Variants in KDM4B observed in about 807,000 individuals in gnomAD.
KDM4B encodes the protein lysine-specific demethylase 4B.
In KDM4B, 32 loss-of-function variants were observed where a neutral mutation model predicts 125.2. The observed-to-expected ratio is 0.26, with a 90% CI of 0.19 to 0.34. The LOEUF (loss-of-function observed/expected upper bound fraction) is 0.34. KDM4B is among the 10% of genes least tolerant of loss of function. The probability of loss-of-function intolerance (pLI) is 1.00; values close to 1 mark genes in which losing one functional copy is unlikely to be tolerated. For missense variants in KDM4B, 1,190 were observed against 1,577.7 expected (o/e 0.75, Z 4.16); for synonymous variants, 721 against 677.9 (o/e 1.06, Z -0.99).
chr19:5,125,172 G>A (rs1032148781), intron 11 of KDM4B, among the ~76,000 whole-genome samples: 3 of 152,218 alleles, frequency 2.0e-5, no homozygotes, highest in Non-Finnish European at 1.5e-5. Context: ...ACAGGTATGA[G>A]CCACTGTGCC....
At chr19:5,096,606 C>T (rs563732822) in intron 9 of KDM4B, among the ~76,000 whole-genome samples, 1 of 150,326 alleles carries the variant, frequency 6.7e-6, no homozygotes, top group African/African-American at 2.5e-5. Context: ...CGCCTGTTGC[C>T]GCGGTGCCCC....
At chr19:5,051,673 G>A (rs1055072242) in intron 6 of KDM4B, among the ~76,000 whole-genome samples, 1 of 152,236 alleles carries the variant, frequency 6.6e-6, no homozygotes, top group Non-Finnish European at 1.5e-5. Context: ...TTAGGGAAGG[G>A]GGTGTCCCCC....
At chr19:5,063,141 C>T (rs1013521340) in intron 6 of KDM4B, among the ~76,000 whole-genome samples, 1 of 151,874 alleles carries the variant, frequency 6.6e-6, no homozygotes, top group Non-Finnish European at 1.5e-5. Flanking sequence ...GTCCTGGTTG[C>T]CTGAGAATTT....
chr19:5,042,685 G>T (rs1037147030), intron 5 of KDM4B, among the ~76,000 whole-genome samples: 6 of 151,612 alleles, frequency 4.0e-5, no homozygotes, highest in Non-Finnish European at 7.4e-5. Flanking sequence ...AGAGTGAGGG[G>T]GGGGGCGCCG....
rs1410910579 is a variant in KDM4B at position 5,081,726 on chromosome 19, T to A, written c.781-641T>A. Among the ~76,000 whole-genome samples the A allele has an allele frequency of 6.6e-6, 1 of 152,066 alleles. No individual in the cohort carries two copies. Among genetic ancestry groups the A allele is most frequent in the African/African-American group, 2.4e-5 (1 of 41,416 alleles). Reference sequence around the variant, plus strand: ...CTGGATCTCCATGACTTCATGGAGATCCCCTTGTTGAGATACAATTGAAAG... The same window carrying A: ...CTGGATCTCCATGACTTCATGGAGAACCCCTTGTTGAGATACAATTGAAAG... On this transcript the variant is annotated intron_variant, in intron 8 of 22. Transcript: ENST00000159111. The surrounding 1 kb of genome is among the most constrained non-coding windows in gnomAD (Gnocchi z 4.2).
rs752407605 is a variant in KDM4B at position 5,144,367 on chromosome 19, C to T, written c.2856C>T (p.Phe952=). 1.3e-5 allele frequency: 17 copies of T among 1,315,250 alleles called. No homozygotes were observed. The highest frequency in any genetic ancestry group is 1.3e-4 in the Admixed American group (5 of 39,524). 81.5% of individuals were successfully genotyped at this position (1,315,250 alleles called of 1,614,324 possible). The part of the protein sequence containing the change: ...AASQTCYEVN[F]DDGSYSDNLY... Reference sequence around the variant, plus strand: ...CGCAGACCTGCTACGAAGTGAACTTCGACGATGGCTCCTACAGCGACAACC... The same window carrying T: ...CGCAGACCTGCTACGAAGTGAACTTTGACGATGGCTCCTACAGCGACAACC... Residue 952 remains phenylalanine (F), a synonymous_variant, in exon 20 of 23, where the codon TTC becomes TTT. Coordinates refer to ENST00000159111, the MANE Select transcript of KDM4B (RefSeq NM_015015.3).
chr19:4,992,444 C>G (rs962893272), intron 1 of KDM4B, among the ~76,000 whole-genome samples: 1 of 151,980 alleles, frequency 6.6e-6, no homozygotes, highest in Non-Finnish European at 1.5e-5. Context: ...TTAGCTGCAA[C>G]CTGTACTTTT....
At chr19:5,063,185 T>C (rs1000701834) in intron 6 of KDM4B, among the ~76,000 whole-genome samples, 1 of 152,092 alleles carries the variant, frequency 6.6e-6, no homozygotes, top group Non-Finnish European at 1.5e-5. Context: ...TTGATAGATA[T>C]TAATTTTTGG....
rs761141584 is a variant in KDM4B, at chr19:5,131,925, G to A, written c.1824G>A (p.Lys608=). Residue 608 remains lysine, a synonymous_variant, in exon 13 of 23, where the codon AAG becomes AAA. Coordinates refer to ENST00000159111, the MANE Select transcript of KDM4B (RefSeq NM_015015.3). ...TTTCCAAATTGAAGATGGAGATCAA[G>A]AAGAGCCGGCGCCATCCCCTGGGCC... is the stretch of plus-strand genomic sequence containing the variant. ...STFSKLKMEI[K]KSRRHPLGRP... 29 of 1,612,646 alleles carry A rather than the reference G, an allele frequency of 1.8e-5. No homozygotes were observed. The highest frequency in any genetic ancestry group is 2.5e-5 in the Non-Finnish European group (29 of 1,179,898).
At chr19:5,028,266 T>G (rs2036344012) in intron 2 of KDM4B, among the ~76,000 whole-genome samples, 1 of 152,198 alleles carries the variant, frequency 6.6e-6, no homozygotes, top group Non-Finnish European at 1.5e-5. Flanking sequence ...TGCGAGCCAC[T>G]GCACTGGCCA....
intron 13 of KDM4B, 87 bp from the exon 14 acceptor site, chr19:5,133,796 G>T: frequency 2.8e-6 from 4 of 1,419,062 alleles, no homozygotes; most frequent in Non-Finnish European, 3.9e-6. Flanking sequence ...TAGACCCGGG[G>T]CCATCCCCTG....
chr19:5,142,360 C>T lies in KDM4B; in HGVS notation c.2551-1607C>T, dbSNP rs193106886. On this transcript the variant is annotated intron_variant, in intron 18 of 22. Transcript: ENST00000159111. The surrounding 1 kb of genome is among the most constrained non-coding windows in gnomAD (Gnocchi z 5.4). The stretch of plus-strand genomic sequence containing the variant: ...CCTGCCCGACCTCCTGTGGCCACAG[C>T]GCGTGGCGTGACTGGACCTCGCCTT... 9.2e-5 allele frequency among the ~76,000 whole-genome samples: 14 copies of T among 152,260 alleles called. No homozygotes were observed. The East Asian group carries it at 1.5e-3, about 17-fold the overall frequency.
At chr19:5,129,955 G>A (rs1490378080) in intron 11 of KDM4B, among the ~76,000 whole-genome samples, 1 of 152,238 alleles carries the variant, frequency 6.6e-6, no homozygotes, top group African/African-American at 2.4e-5. Flanking sequence ...CCCACAGCCC[G>A]ACACAGAGCG....
intron 10 of KDM4B, among the ~76,000 whole-genome samples, chr19:5,117,375 G>A (rs1401185067): frequency 2.0e-5 from 3 of 152,066 alleles, no homozygotes; most frequent in Non-Finnish European, 4.4e-5. Flanking sequence ...TGGAGCTGGG[G>A]GCAGCTGAGG....
intron 5 of KDM4B, among the ~76,000 whole-genome samples, chr19:5,042,581 C>T (rs2036853958): frequency 6.6e-6 from 1 of 151,508 alleles, no homozygotes; most frequent in Non-Finnish European, 1.5e-5. Context: ...CACGTTTTTG[C>T]AGGCTCTGCA....
intron 2 of KDM4B, among the ~76,000 whole-genome samples, chr19:5,032,227 CCATT>C (rs2036481249): frequency 2.0e-5 from 3 of 152,218 alleles, no homozygotes; most frequent in Admixed American, 2.0e-4. Flanking sequence ...GTGCAATCCC[CCATT>C]CTGTACAGGG....
At chr19:5,050,610 C>T (rs1284451686) in intron 6 of KDM4B, among the ~76,000 whole-genome samples, 1 of 152,240 alleles carries the variant, frequency 6.6e-6, no homozygotes, top group Non-Finnish European at 1.5e-5. Flanking sequence ...TAGATCAAGA[C>T]TCTCCTGGGG....
At chr19:5,056,837 GCCCTGGGGTGGGGA>G (rs1297770060) in intron 6 of KDM4B, among the ~76,000 whole-genome samples, 3 of 140,476 alleles carry the variant, frequency 2.1e-5, no homozygotes, top group African/African-American at 7.8e-5. Flanking sequence ...GGTGTCTAGA[GCCCTGGGGTGGGGA>G]CCCTGGGGCG....
rs1568249766 is a variant in KDM4B at position 5,041,212 on chromosome 19, GATCTAC to G, written c.394_399del (p.Ile132_Tyr133del). The G allele has an allele frequency of 6.2e-7, 1 of 1,613,224 alleles. No homozygotes were observed. The highest frequency in any genetic ancestry group is 1.3e-5 in the African/African-American group (1 of 75,022). The stretch of plus-strand genomic sequence containing the variant: ...GGAAGAACCTCACCTTTGTCTCCCC[GATCTAC>G]GGGGCTGACATCAGCGGCTCTTTGT... On this transcript the variant is annotated inframe_deletion, in exon 5 of 23. Coordinates refer to ENST00000159111, the MANE Select transcript of KDM4B (RefSeq NM_015015.3).
Sources: allele counts gnomAD v4.1 joint callset (sites outside exome capture counted in the v4.1 genomes callset), GRCh38; gene constraint gnomAD v4.1.1; non-coding constraint Gnocchi (gnomAD v3.1); transcripts MANE v1.5; gene names NCBI Gene and HGNC (gene_info 2026-07-23, HGNC 2026-07-21).